The following PTPRM variants were observed in gnomAD, a reference collection of about 807,000 sequenced individuals.
PTPRM encodes receptor-type tyrosine-protein phosphatase mu.
In PTPRM, 47 loss-of-function variants were observed where a neutral mutation model predicts 186.7. The observed-to-expected ratio is 0.25, with a 90% confidence interval of 0.20 to 0.32. The LOEUF is 0.32. Ranked by LOEUF, PTPRM falls within the 10% of genes least tolerant of loss-of-function variation. PTPRM has a pLI of 1.00. For missense variants in PTPRM, 1,494 were observed against 1,865.0 expected (o/e 0.80, Z 3.66); for synonymous variants, 668 against 674.9 (o/e 0.99, Z 0.16).
At chr18:7,883,966 C>A (rs2048635287) in intron 2 of PTPRM, among the ~76,000 whole-genome samples, 1 of 151,884 alleles carries the variant, frequency 6.6e-6, no homozygotes, top group East Asian at 1.9e-4. Flanking sequence ...CATAGTAAGA[C>A]CCTCTCTCTA....
At position 7,955,155 on chromosome 18, in the gene PTPRM, C is replaced by T. The variant is rs1208927279; in HGVS notation, c.873C>T (p.Ala291=). ...PPVPIAPPQL[A]SVGATYLWIQ... The stretch of plus-strand genomic sequence containing the variant: ...TTCCTATTGCCCCACCTCAGCTCGC[C>T]TCTGTAGGAGCCACCTACCTGTGGA... The change falls in exon 7 of 33, where the codon GCC becomes GCT. Residue 291 remains alanine (A), a synonymous_variant. Coordinates refer to ENST00000580170, the MANE Select transcript of PTPRM (RefSeq NM_001105244.2). 6.2e-7 allele frequency: 1 copy of T among 1,613,066 alleles called. No homozygotes were observed. The highest frequency in any genetic ancestry group is 1.1e-5 in the South Asian group (1 of 91,064).
intron 23 of PTPRM, among the ~76,000 whole-genome samples, chr18:8,349,440 A>T (rs2095522538): frequency 6.6e-6 from 1 of 152,214 alleles, no homozygotes; most frequent in Admixed American, 6.5e-5. Context: ...CTGATATTTA[A>T]GATTGATCTT....
intron 1 of PTPRM, among the ~76,000 whole-genome samples, chr18:7,571,072 G>T (rs2036555059): frequency 6.6e-6 from 1 of 151,804 alleles, no homozygotes; most frequent in South Asian, 2.1e-4. Context: ...CCGAGTAGCT[G>T]GAACTACAGG....
At chr18:7,759,113 G>C (rs961782660) in intron 1 of PTPRM, among the ~76,000 whole-genome samples, 1 of 152,128 alleles carries the variant, frequency 6.6e-6, no homozygotes, top group Non-Finnish European at 1.5e-5. Context: ...AAATTGAGCT[G>C]GTCTGTGAAG....
chr18:8,317,086 C>T (rs2095313770), intron 21 of PTPRM, among the ~76,000 whole-genome samples: 1 of 152,006 alleles, frequency 6.6e-6, no homozygotes, highest in African/African-American at 2.4e-5. Context: ...GATGGGCAGT[C>T]GTTAGAGGTA....
At chr18:8,292,560 G>A (rs961012369) in intron 19 of PTPRM, among the ~76,000 whole-genome samples, 3 of 152,162 alleles carry the variant, frequency 2.0e-5, no homozygotes, top group Non-Finnish European at 4.4e-5. Flanking sequence ...ATTTATCTAT[G>A]GAGGCACTAG....
chr18:8,330,895 T>C (rs576967232), intron 22 of PTPRM, among the ~76,000 whole-genome samples: 12 of 152,270 alleles, frequency 7.9e-5, no homozygotes, highest in East Asian at 1.9e-4. Context: ...ATTCGGTCTG[T>C]CCCAGGGATC....
intron 13 of PTPRM, among the ~76,000 whole-genome samples, chr18:8,115,647 A>G (rs2091927851): frequency 6.6e-6 from 1 of 152,240 alleles, no homozygotes; most frequent in Admixed American, 6.5e-5. Context: ...GAAGTTCTGT[A>G]TGATTTAATT....
chr18:7,816,886 A>G (rs1023070533), intron 2 of PTPRM, among the ~76,000 whole-genome samples: 1 of 152,222 alleles, frequency 6.6e-6, no homozygotes, highest in Non-Finnish European at 1.5e-5. Context: ...GGGCGGATAA[A>G]TAATAGTTAA....
intron 14 of PTPRM, among the ~76,000 whole-genome samples, chr18:8,177,960 T>C (rs1321227702): frequency 6.6e-6 from 1 of 152,156 alleles, no homozygotes; most frequent in Non-Finnish European, 1.5e-5. Context: ...GTGCACATGC[T>C]CACTTAAGAC....
intron 16 of PTPRM, 83 bp downstream of exon 16, chr18:8,248,002 C>A: frequency 7.3e-7 from 1 of 1,376,842 alleles, no homozygotes; most frequent in Non-Finnish European, 1.0e-6. Flanking sequence ...ATCCCTGGTG[C>A]TTGAGGGGCT....
chr18:7,842,490 G>A (rs559251920), intron 2 of PTPRM, among the ~76,000 whole-genome samples: 49 of 152,126 alleles, frequency 3.2e-4, no homozygotes, highest in Non-Finnish European at 5.9e-4. Context: ...AGACGTTGCC[G>A]TGAAGATATT....
intron 1 of PTPRM, among the ~76,000 whole-genome samples, chr18:7,726,997 C>A (rs1319107188): frequency 6.6e-6 from 1 of 151,694 alleles, no homozygotes; most frequent in African/African-American, 2.4e-5. Flanking sequence ...TTATATAATT[C>A]AGTGGTAAGA....
intron 1 of PTPRM, among the ~76,000 whole-genome samples, chr18:7,699,920 A>T (rs1040964314): frequency 6.6e-6 from 1 of 152,164 alleles, no homozygotes; most frequent in Non-Finnish European, 1.5e-5. Flanking sequence ...CCTTTCTTCC[A>T]CATTCAATTG....
intron 28 of PTPRM, among the ~76,000 whole-genome samples, 186 bp downstream of exon 28, chr18:8,379,526 T>C (rs1209287974): frequency 6.6e-6 from 1 of 152,186 alleles, no homozygotes; most frequent in Non-Finnish European, 1.5e-5. Flanking sequence ...ATCCTTCGTT[T>C]CTCAAAGACC....
chr18:7,789,549 T>C (rs1363328116), intron 2 of PTPRM, among the ~76,000 whole-genome samples: 1 of 149,752 alleles, frequency 6.7e-6, no homozygotes, highest in East Asian at 1.9e-4. Context: ...CTACCCATTA[T>C]GGTGGTTTTT....
intron 23 of PTPRM, among the ~76,000 whole-genome samples, chr18:8,354,452 G>A (rs2095553007): frequency 6.6e-6 from 1 of 152,100 alleles, no homozygotes; most frequent in African/African-American, 2.4e-5. Flanking sequence ...AACAGGAAGG[G>A]GATAGCGACC....
At chr18:8,120,074 G>A (rs1208811973) in intron 13 of PTPRM, among the ~76,000 whole-genome samples, 1 of 152,096 alleles carries the variant, frequency 6.6e-6, no homozygotes, top group African/African-American at 2.4e-5. Flanking sequence ...TGGGCCATAT[G>A]GTCTCTGTCA....
intron 1 of PTPRM, among the ~76,000 whole-genome samples, chr18:7,622,909 G>C (rs956649481): frequency 2.0e-5 from 3 of 152,148 alleles, no homozygotes; most frequent in Non-Finnish European, 2.9e-5. Context: ...ACAAGCCAAA[G>C]TTCAGCCAAG....
Sources: gnomAD v4.1 joint callset for allele counts (sites outside exome capture counted in the v4.1 genomes callset) on GRCh38, gnomAD v4.1.1 for gene constraint, MANE v1.5 for transcripts, NCBI Gene and HGNC (gene_info 2026-07-23, HGNC 2026-07-21) for gene names.